Variants in NAALADL1 observed in about 807,000 individuals in gnomAD.
The protein encoded by NAALADL1 is aminopeptidase NAALADL1.
In NAALADL1, 77 loss-of-function variants were observed where a neutral mutation model predicts 82.8. The observed-to-expected ratio is 0.93, with a 90% confidence interval of 0.77 to 1.12. The LOEUF (loss-of-function observed/expected upper bound fraction) is 1.12, where lower values mean the gene tolerates loss of function less well. Among genes scored for constraint, NAALADL1 ranks in the 50% most tolerant of loss-of-function variants. The probability of loss-of-function intolerance (pLI) is 0.00; values close to 1 mark genes in which losing one functional copy is unlikely to be tolerated. For missense variants in NAALADL1, 956 were observed against 964.0 expected (o/e 0.99, Z 0.11); for synonymous variants, 358 against 399.2 (o/e 0.90, Z 1.23).
At chr11:65,045,566 C>G (rs977034525) in intron 17 of NAALADL1, 109 bp from the exon 18 acceptor site, 5 of 1,199,496 alleles carry the variant, frequency 4.2e-6, no homozygotes, top group Non-Finnish European at 5.7e-6. Context: ...CAGAAAAGCA[C>G]CCCCGTCCAC....
intron 8 of NAALADL1, 186 bp from the exon 9 acceptor site, chr11:65,048,571 A>C: frequency 3.2e-6 from 2 of 624,072 alleles, no homozygotes; most frequent in South Asian, 1.9e-5. Flanking sequence ...CCCAACTCCA[A>C]GCCCCCTGAA....
rs754714979 is a variant in NAALADL1 at position 65,057,876 on chromosome 11, T to C, written c.479A>G (p.Gln160Arg). Residue 160 changes from glutamine (Q) to arginine (R), a missense_variant and splice_region_variant, in exon 3 of 18, where the codon CAG becomes CGG. Physicochemically the swap from Gln to Arg is conservative, Grantham distance 43 (BLOSUM62 1). Coordinates refer to ENST00000358658, the MANE Select transcript of NAALADL1 (RefSeq NM_005468.3). Reference sequence around the variant, plus strand: ...CAGTAGGGGGGGTTCTGGGCCCACCTGTGGGGTTCCAGAAGGAGCATAGGC... The same window carrying C: ...CAGTAGGGGGGGTTCTGGGCCCACCCGTGGGGTTCCAGAAGGAGCATAGGC... ...YAAYAPSGTP[Q>R]GLLVYANRGA... 1 of 1,613,730 alleles carries C rather than the reference T, an allele frequency of 6.2e-7. No individual in the cohort carries two copies. The highest frequency in any genetic ancestry group is 8.5e-7 in the Non-Finnish European group (1 of 1,179,924).
intron 8 of NAALADL1, among the ~76,000 whole-genome samples, chr11:65,051,675 G>T (rs990383035): frequency 6.6e-6 from 1 of 152,018 alleles, no homozygotes; most frequent in Admixed American, 6.6e-5. Context: ...CATACAAGGG[G>T]GGGGATGGAG....
chr11:65,051,575 G>A (rs1279674627), intron 8 of NAALADL1, among the ~76,000 whole-genome samples: 4 of 151,660 alleles, frequency 2.6e-5, no homozygotes, highest in African/African-American at 7.3e-5. Flanking sequence ...CAAGCAATCC[G>A]CCCACCTCAG....
In NAALADL1 at chr11:65,054,204, T is replaced by G; in HGVS notation, c.992+46A>C. The G allele has an allele frequency of 6.6e-7, 1 of 1,520,602 alleles. No individual in the cohort carries two copies. Among genetic ancestry groups the G allele is most frequent in the Middle Eastern group, 2.0e-4 (1 of 5,110 alleles). 94.2% of individuals were successfully genotyped at this position (1,520,602 alleles called of 1,614,324 possible). ...TCACAAGGGAAGGGGAGAGGCGAGTTGGGGGAGAGGGCAACTGAGGGAGAC... is the reference window on the plus strand; with the variant it reads ...TCACAAGGGAAGGGGAGAGGCGAGTGGGGGGAGAGGGCAACTGAGGGAGAC... On this transcript the variant is annotated intron_variant, in intron 6 of 17. Coordinates refer to ENST00000358658, the MANE Select transcript of NAALADL1 (RefSeq NM_005468.3). The surrounding 1 kb of genome is among the most constrained non-coding windows in gnomAD (Gnocchi z 4.3).
chr11:65,050,190 G>A lies in NAALADL1; in HGVS notation c.1199-1805C>T, dbSNP rs549498227. On this transcript the variant is annotated intron_variant, in intron 8 of 17. Transcript: ENST00000358658. ...GACACCCAGCTGGAAGCATTTAAAA[G>A]TTGTGGGGGCTGGCGCGGTGACTCA... 3.0e-4 allele frequency among the ~76,000 whole-genome samples: 45 copies of A among 151,484 alleles called. No individual in the cohort carries two copies. The South Asian group carries it at 8.5e-3, about 29-fold the overall frequency.
At position 65,053,582 on chromosome 11, in the gene NAALADL1, G is replaced by T; in HGVS notation, c.993-6C>A. 6.3e-7 allele frequency: 1 copy of T among 1,588,966 alleles called. No homozygotes were observed. Among genetic ancestry groups the T allele is most frequent in the Non-Finnish European group, 8.6e-7 (1 of 1,165,994 alleles). On this transcript the variant is annotated splice_polypyrimidine_tract_variant and splice_region_variant and intron_variant, in intron 6 of 17. Transcript: ENST00000358658. The surrounding 1 kb of genome is among the most constrained non-coding windows in gnomAD (Gnocchi z 4.3). ...AGACGCTCACATTCACCTGGCTGGG[G>T]AGGGTGAAGGGTGTGAGAAGACTCT...
At chr11:65,047,410 CA>C in intron 13 of NAALADL1, 64 bp downstream of exon 13, 1 of 1,405,070 alleles carries the variant, frequency 7.1e-7, no homozygotes, top group Non-Finnish European at 9.8e-7. Context: ...TGAGAACAGC[CA>C]CAAAGAGAGG....
intron 8 of NAALADL1, among the ~76,000 whole-genome samples, chr11:65,050,340 T>C (rs887659074): frequency 4.0e-5 from 6 of 150,178 alleles, no homozygotes; most frequent in African/African-American, 7.4e-5. Flanking sequence ...TAGCCAGGCG[T>C]GGTGGCGGGT....
chr11:65,057,785 TTGAGGCACGTTCCC>T, intron 3 of NAALADL1, 76 bp downstream of exon 3: 11 of 1,569,662 alleles, frequency 7.0e-6, no homozygotes, highest in Non-Finnish European at 9.6e-6. Flanking sequence ...TGTGCCCCAG[TTGAGGCACGTTCCC>T]TGGGTCAGGG....
At chr11:65,057,629 A>G in intron 3 of NAALADL1, 136 bp from the exon 4 acceptor site, 1 of 1,317,828 alleles carries the variant, frequency 7.6e-7, no homozygotes, top group South Asian at 1.5e-5. Flanking sequence ...TAAGCTCCCC[A>G]AGAACAGTCA....
At chr11:65,050,605 C>A (rs1207314096) in intron 8 of NAALADL1, among the ~76,000 whole-genome samples, 1 of 151,268 alleles carries the variant, frequency 6.6e-6, no homozygotes, top group African/African-American at 2.4e-5. Flanking sequence ...GCCTGGCCAA[C>A]ACGGTAAAAC....
rs1408789480 is a variant in NAALADL1 at position 65,054,807 on chromosome 11, C to T, written c.604-69G>A. On this transcript the variant is annotated intron_variant, in intron 4 of 17. Transcript: ENST00000358658. The surrounding 1 kb of genome is among the most constrained non-coding windows in gnomAD (Gnocchi z 4.3). Reference sequence around the variant, plus strand: ...CCAGATATGTCCTATTCCTCTTCCTCCTTCCTCGACTGTGGAAGCCAGGAT... The same window carrying T: ...CCAGATATGTCCTATTCCTCTTCCTTCTTCCTCGACTGTGGAAGCCAGGAT... The T allele has an allele frequency of 2.6e-6, 4 of 1,542,908 alleles. No homozygotes were observed. The highest frequency in any genetic ancestry group is 3.5e-6 in the Non-Finnish European group (4 of 1,143,772).
At chr11:65,050,921 G>A (rs1946869262) in intron 8 of NAALADL1, among the ~76,000 whole-genome samples, 1 of 152,008 alleles carries the variant, frequency 6.6e-6, no homozygotes, top group Non-Finnish European at 1.5e-5. Context: ...TAAACTCTTG[G>A]GCTCAAGCGA....
intron 8 of NAALADL1, among the ~76,000 whole-genome samples, chr11:65,049,599 A>G (rs934816309): frequency 8.6e-5 from 13 of 151,672 alleles, no homozygotes; most frequent in African/African-American, 2.7e-4. Context: ...CACTGGGCAC[A>G]GTGGCTCACG....
chr11:65,047,915 C>T (rs1458038290), intron 11 of NAALADL1, 66 bp downstream of exon 11: 86 of 1,175,882 alleles, frequency 7.3e-5, no homozygotes, highest in Non-Finnish European at 1.0e-4. Context: ...CCACCCGTAG[C>T]GGCCCCGTCC....
intron 8 of NAALADL1, among the ~76,000 whole-genome samples, chr11:65,051,149 G>A (rs1444386227): frequency 2.6e-5 from 4 of 151,784 alleles, no homozygotes; most frequent in Non-Finnish European, 5.9e-5. Flanking sequence ...GAATTTCTGC[G>A]CTACCCATAA....
intron 8 of NAALADL1, among the ~76,000 whole-genome samples, chr11:65,051,315 C>CTTTCTTTTTTTT: frequency 1.7e-5 from 1 of 59,570 alleles, no homozygotes; most frequent in Non-Finnish European, 3.2e-5. Context: ...TTCTTTCTTT[C>CTTTCTTTTTTTT]TTTTTTTTTT....
chr11:65,058,579 G>A, upstream of NAALADL1: 12 of 1,437,652 alleles, frequency 8.3e-6, no homozygotes, highest in Non-Finnish European at 1.1e-5. Context: ...CCCTATAGAG[G>A]GGGTGTTGTG....
Sources: gnomAD v4.1 joint callset for allele counts (sites outside exome capture counted in the v4.1 genomes callset) on GRCh38, gnomAD v4.1.1 for gene constraint, Gnocchi (gnomAD v3.1) non-coding constraint, MANE v1.5 for transcripts, NCBI Gene and HGNC (gene_info 2026-07-23, HGNC 2026-07-21) for gene names.